Variants in TM9SF2 observed in about 807,000 individuals in gnomAD.
The protein encoded by TM9SF2 is 76 kDa membrane protein.
In TM9SF2, 13 loss-of-function variants were observed where a neutral mutation model predicts 84.9. The ratio of observed to expected loss-of-function variants is 0.15; its 90% confidence interval spans 0.10 to 0.24. TM9SF2 has a LOEUF of 0.24. TM9SF2 is among the 10% of genes least tolerant of loss of function. The pLI, the probability that TM9SF2 is intolerant of heterozygous loss-of-function variation, is 1.00. For synonymous variants in TM9SF2, 273 were observed against 285.8 expected, an observed-to-expected ratio of 0.96 and a Z score of 0.45; for missense variants, 562 against 818.5, an observed-to-expected ratio of 0.69 and a Z score of 3.82.
At position 99,559,395 on chromosome 13, in the gene TM9SF2, G is replaced by C. The variant is rs7330734; in HGVS notation, c.1785G>C (p.Thr595=). 4.5e-3 allele frequency: 7,134 copies of C among 1,601,040 alleles called. 285 individuals are homozygous for C. The African/African-American group carries it at 0.085, about 19-fold the overall frequency. The change falls in exon 16 of 17, where the codon ACG becomes ACC. Residue 595 remains threonine (T), a synonymous_variant. Transcript: ENST00000376387. ...DYHWQWRSFL[T]SGFTAVYFLI... Reference sequence around the variant, plus strand: ...ATTGGCAATGGCGTTCATTCCTTACGAGTGGCTTTACTGCAGTTTATTTCT... The same window carrying C: ...ATTGGCAATGGCGTTCATTCCTTACCAGTGGCTTTACTGCAGTTTATTTCT...
intron 15 of TM9SF2, among the ~76,000 whole-genome samples, chr13:99,555,883 G>T (rs1411468852): frequency 6.6e-6 from 1 of 152,118 alleles, no homozygotes. Context: ...AGAATAGTAT[G>T]TTGTGCTAAC....
intron 2 of TM9SF2, 64 bp downstream of exon 2, chr13:99,517,745 A>T: frequency 8.5e-7 from 1 of 1,171,016 alleles, no homozygotes; most frequent in Non-Finnish European, 1.2e-6. Flanking sequence ...TTGTACATTG[A>T]GAACTTTGTT....
chr13:99,549,699 ACT>A (rs1471327611), intron 12 of TM9SF2, among the ~76,000 whole-genome samples: 1 of 151,916 alleles, frequency 6.6e-6, no homozygotes, highest in African/African-American at 2.4e-5. Context: ...AAAATCCTTC[ACT>A]CTCTGGAACT....
In TM9SF2 at chr13:99,537,878, G is replaced by A; in HGVS notation, c.716+15G>A. The A allele has an allele frequency of 6.3e-7, 1 of 1,596,344 alleles. No individual in the cohort carries two copies. Among genetic ancestry groups the A allele is most frequent in the South Asian group, 1.2e-5 (1 of 86,388 alleles). On this transcript the variant is annotated intron_variant, in intron 6 of 16. Coordinates refer to ENST00000376387, the MANE Select transcript of TM9SF2 (RefSeq NM_004800.3). ...GAACCGAAAAGGTAATTATATTAAT[G>A]ATAAAAAGTAAACAAGTATAAGTGA...
intron 1 of TM9SF2, among the ~76,000 whole-genome samples, chr13:99,508,701 A>G (rs1027726052): frequency 6.6e-6 from 1 of 152,158 alleles, no homozygotes; most frequent in African/African-American, 2.4e-5. Flanking sequence ...GGCATGTCAC[A>G]TGGTAAAAGC....
Position 99,536,733 on chromosome 13 carries a change from T to C in TM9SF2, c.587T>C (p.Ile196Thr). ...GGCCATGCAAAAGATGCCTGTGTTA[T>C]TAGTGTAAGTTCATGATAAACTCTT... The part of the protein sequence containing the change: ...DKGHAKDACV[I>T]SSDFHERDTF... The change falls in exon 5 of 17, where the codon ATT (isoleucine) becomes ACT (threonine). Residue 196 changes from isoleucine to threonine, a missense_variant. By Grantham distance (89) the Ile-to-Thr change is moderately conservative. Coordinates refer to ENST00000376387, the MANE Select transcript of TM9SF2 (RefSeq NM_004800.3). 1 of 1,613,288 alleles carries C rather than the reference T, an allele frequency of 6.2e-7. No individual in the cohort carries two copies. Among genetic ancestry groups the C allele is most frequent in the Non-Finnish European group, 8.5e-7 (1 of 1,179,492 alleles).
chr13:99,539,846 G>A (rs1053045704), intron 7 of TM9SF2, among the ~76,000 whole-genome samples: 1 of 152,144 alleles, frequency 6.6e-6, no homozygotes, highest in African/African-American at 2.4e-5. Context: ...GGATGGAAAT[G>A]CCAGAGATAT....
chr13:99,562,738 A>G lies in TM9SF2; in HGVS notation c.1972A>G (p.Ser658Gly), dbSNP rs2046349549. ...ACFWFVTKIYSVVKVD is the reference protein window; with the variant it reads ...ACFWFVTKIYGVVKVD Reference sequence around the variant, plus strand: ...CTTTTGGTTTGTTACCAAAATATACAGTGTGGTGAAGGTTGACTGAAGAAG... The same window carrying G: ...CTTTTGGTTTGTTACCAAAATATACGGTGTGGTGAAGGTTGACTGAAGAAG... The change falls in exon 17 of 17, where the codon AGT (serine) becomes GGT (glycine). Residue 658 changes from serine to glycine, a missense_variant. By Grantham distance (56) the Ser-to-Gly change is moderately conservative. Coordinates refer to ENST00000376387, the MANE Select transcript of TM9SF2 (RefSeq NM_004800.3). 7 of 1,613,568 alleles carry G rather than the reference A, an allele frequency of 4.3e-6. No individual in the cohort carries two copies. The highest frequency in any genetic ancestry group is 5.1e-6 in the Non-Finnish European group (6 of 1,179,744).
intron 10 of TM9SF2, among the ~76,000 whole-genome samples, chr13:99,545,823 C>T (rs1342668758): frequency 6.6e-6 from 1 of 152,136 alleles, no homozygotes; most frequent in Non-Finnish European, 1.5e-5. Flanking sequence ...CCTCGGCCTC[C>T]CAAAGTGCTG....
intron 1 of TM9SF2, among the ~76,000 whole-genome samples, chr13:99,517,126 A>C (rs1434822481): frequency 6.6e-6 from 1 of 151,972 alleles, no homozygotes; most frequent in East Asian, 1.9e-4. Flanking sequence ...TATTTAAAAA[A>C]ATTTTAAGAC....
chr13:99,546,897 G>A, intron 10 of TM9SF2, 88 bp from the exon 11 acceptor site: 2 of 1,566,140 alleles, frequency 1.3e-6, no homozygotes, highest in Non-Finnish European at 8.7e-7. Context: ...TTTTTTTCTT[G>A]TTTGAAAAAT....
In TM9SF2 at chr13:99,501,922, C is replaced by T. The variant is rs999028844; in HGVS notation, c.171+145C>T. The T allele has an allele frequency of 1.4e-5, 16 of 1,180,196 alleles. No homozygotes were observed. The African/African-American group carries it at 2.2e-4, about 16-fold the overall frequency. The allele number at this position is 1,180,196 out of a possible 1,614,324, so 73.1% of individuals were successfully genotyped here. On this transcript the variant is annotated intron_variant, in intron 1 of 16. Transcript: ENST00000376387. Reference sequence around the variant, plus strand: ...TTTCCCCAGAAGCTTTTGGGGTCTGCTGGGCTGTGGGTGGGGGGCTCTGAA... The same window carrying T: ...TTTCCCCAGAAGCTTTTGGGGTCTGTTGGGCTGTGGGTGGGGGGCTCTGAA...
intron 3 of TM9SF2, among the ~76,000 whole-genome samples, chr13:99,522,411 G>A (rs144098736): frequency 2.6e-5 from 4 of 152,306 alleles, no homozygotes; most frequent in Non-Finnish European, 5.9e-5. Context: ...AAGGCCTAAT[G>A]GGATGAAGTC....
chr13:99,513,061 G>T (rs1284569251), intron 1 of TM9SF2, among the ~76,000 whole-genome samples: 1 of 152,184 alleles, frequency 6.6e-6, no homozygotes, highest in Admixed American at 6.5e-5. Flanking sequence ...AAGTATATCT[G>T]AAGAGAAACA....
intron 8 of TM9SF2, among the ~76,000 whole-genome samples, chr13:99,541,241 T>C (rs1469342318): frequency 6.6e-6 from 1 of 152,236 alleles, no homozygotes; most frequent in African/African-American, 2.4e-5. Flanking sequence ...CTTCAGTAAA[T>C]TTCTTGAGGG....
chr13:99,523,199 G>T (rs746451592), intron 3 of TM9SF2, among the ~76,000 whole-genome samples: 1 of 151,998 alleles, frequency 6.6e-6, no homozygotes, highest in Admixed American at 6.5e-5. Flanking sequence ...TGAGTCTCAC[G>T]CTGTGGCCTG....
chr13:99,536,046 C>A (rs1317520651), intron 4 of TM9SF2, among the ~76,000 whole-genome samples: 2 of 152,038 alleles, frequency 1.3e-5, no homozygotes, highest in African/African-American at 2.4e-5. Context: ...CTATATCTTG[C>A]AATTGTATTC....
At position 99,554,162 on chromosome 13, in the gene TM9SF2, T is replaced by G. The variant is rs536205560; in HGVS notation, c.1489-142T>G. The G allele has an allele frequency of 2.6e-5, 25 of 966,610 alleles. No individual in the cohort carries two copies. The African/African-American group carries it at 3.8e-4, about 15-fold the overall frequency. The allele number at this position is 966,610 out of a possible 1,614,324, so 59.9% of individuals were successfully genotyped here. ...GGATGATGGCTTCCAAAGACAAATT[T>G]CAGTTTGATGTCTTAAGTAGACTTT... is the stretch of plus-strand genomic sequence containing the variant. On this transcript the variant is annotated intron_variant, in intron 13 of 16. Transcript: ENST00000376387.
At position 99,503,413 on chromosome 13, in the gene TM9SF2, A is replaced by G. The variant is rs1331377449; in HGVS notation, c.171+1636A>G. Among the ~76,000 whole-genome samples the G allele has an allele frequency of 3.3e-5, 5 of 152,316 alleles. No homozygotes were observed. The East Asian group carries it at 5.8e-4, about 18-fold the overall frequency. On this transcript the variant is annotated intron_variant, in intron 1 of 16. Coordinates refer to ENST00000376387, the MANE Select transcript of TM9SF2 (RefSeq NM_004800.3). Reference sequence around the variant, plus strand: ...CTAGAGTCTTTAGGGAAAGCTCTATAGAAGAAGTGACAGGGCCAGGTGTGG... The same window carrying G: ...CTAGAGTCTTTAGGGAAAGCTCTATGGAAGAAGTGACAGGGCCAGGTGTGG...
Sources: allele counts gnomAD v4.1 joint callset (sites outside exome capture counted in the v4.1 genomes callset), GRCh38; gene constraint gnomAD v4.1.1; transcripts MANE v1.5; gene names NCBI Gene and HGNC (gene_info 2026-07-23, HGNC 2026-07-21).